FNDC3B: variants seen among roughly 807,000 people sequenced by gnomAD.
FNDC3B encodes fibronectin type III domain-containing protein 3B.
FNDC3B carries 12 observed loss-of-function variants against 151.5 expected under a neutral mutation model. That is an observed-to-expected ratio of 0.08 (90% CI 0.05 to 0.13). The LOEUF is 0.13. FNDC3B is among the 10% of genes least tolerant of loss of function. The pLI is 1.00. For missense variants in FNDC3B, 1,214 were observed against 1,505.3 expected (o/e 0.81, Z 3.20); for synonymous variants, 528 against 549.0 (o/e 0.96, Z 0.54).
chr3:172,212,546 G>A (rs758399357), intron 3 of FNDC3B, among the ~76,000 whole-genome samples: 6 of 152,164 alleles, frequency 3.9e-5, no homozygotes, highest in South Asian at 2.1e-4. Flanking sequence ...AAATTTTGAC[G>A]TAGCACATTT....
intron 16 of FNDC3B, among the ~76,000 whole-genome samples, chr3:172,339,685 T>C (rs1198143169): frequency 1.3e-5 from 2 of 152,240 alleles, no homozygotes; most frequent in African/African-American, 4.8e-5. Context: ...TATTTAAGTA[T>C]GTTTTGAATT....
chr3:172,290,113 T>C (rs1263933662), intron 7 of FNDC3B, among the ~76,000 whole-genome samples: 4 of 152,146 alleles, frequency 2.6e-5, no homozygotes, highest in Non-Finnish European at 5.9e-5. Flanking sequence ...AAGGATTATT[T>C]AATTTTGTGT....
chr3:172,390,901 G>A (rs1735976119), intron 25 of FNDC3B, among the ~76,000 whole-genome samples: 1 of 152,110 alleles, frequency 6.6e-6, no homozygotes, highest in Non-Finnish European at 1.5e-5. Context: ...AGCCGTGGTG[G>A]GATGATTTAG....
intron 1 of FNDC3B, among the ~76,000 whole-genome samples, chr3:172,087,481 G>A (rs141099658): frequency 4.2e-4 from 64 of 152,228 alleles, no homozygotes; most frequent in African/African-American, 1.5e-3. Context: ...AACTTGGTTA[G>A]ATTTCCTTTG....
At chr3:172,153,399 G>A (rs1431818635) in intron 3 of FNDC3B, among the ~76,000 whole-genome samples, 3 of 152,150 alleles carry the variant, frequency 2.0e-5, no homozygotes, top group Admixed American at 1.3e-4. Flanking sequence ...CACAGAGGCG[G>A]CCTCTGTCCT....
intron 11 of FNDC3B, among the ~76,000 whole-genome samples, chr3:172,323,842 A>T (rs534114751): frequency 6.6e-6 from 1 of 152,166 alleles, no homozygotes; most frequent in African/African-American, 2.4e-5. Flanking sequence ...GAAACCAAAA[A>T]TGCATGACCC....
intron 1 of FNDC3B, among the ~76,000 whole-genome samples, chr3:172,096,317 G>A (rs1166360698): frequency 6.6e-6 from 1 of 152,068 alleles, no homozygotes; most frequent in Non-Finnish European, 1.5e-5. Flanking sequence ...GTAGAAACAA[G>A]GAATTGCATT....
chr3:172,309,303 C>CTT (rs1245038680), intron 10 of FNDC3B, among the ~76,000 whole-genome samples: 1 of 152,204 alleles, frequency 6.6e-6, no homozygotes, highest in Non-Finnish European at 1.5e-5. Flanking sequence ...GATCTGACAT[C>CTT]TTTTTGTTCG....
chr3:172,243,183 T>C (rs542427478), intron 4 of FNDC3B, among the ~76,000 whole-genome samples: 5 of 152,336 alleles, frequency 3.3e-5, no homozygotes, highest in African/African-American at 1.2e-4. Context: ...GTTCCAGACT[T>C]TCCCACATTT....
intron 1 of FNDC3B, among the ~76,000 whole-genome samples, chr3:172,096,085 T>C (rs1559963657): frequency 1.3e-5 from 2 of 152,250 alleles, no homozygotes; most frequent in African/African-American, 4.8e-5. Flanking sequence ...CTGTGAATTT[T>C]ACTGGTAACA....
At position 172,130,892 on chromosome 3, in the gene FNDC3B, C is replaced by G. The variant is rs935319440; in HGVS notation, c.112-2579C>G. On this transcript the variant is annotated intron_variant, in intron 2 of 25. Coordinates refer to ENST00000415807, the MANE Select transcript of FNDC3B (RefSeq NM_022763.4). ...TAATTAATTCCATGGGCATATATTA[C>G]AGTTCTATCCCTAGAGCTTTAAACA... 3.9e-5 allele frequency among the ~76,000 whole-genome samples: 6 copies of G among 152,144 alleles called. No homozygotes were observed. The East Asian group carries it at 1.2e-3, about 29-fold the overall frequency.
chr3:172,202,062 A>G (rs931922725), intron 3 of FNDC3B, among the ~76,000 whole-genome samples: 1 of 152,236 alleles, frequency 6.6e-6, no homozygotes. Flanking sequence ...CCTTGAGTGC[A>G]TGAAATTTTG....
intron 1 of FNDC3B, among the ~76,000 whole-genome samples, chr3:172,045,784 C>CTATA (rs1180906526): frequency 4.8e-5 from 7 of 146,250 alleles, no homozygotes; most frequent in African/African-American, 1.4e-4. Flanking sequence ...CTCTCTCTCT[C>CTATA]TCTCTCTCTC....
Position 172,362,812 on chromosome 3 carries a change from T to C in FNDC3B, c.2975T>C (p.Val992Ala), listed in dbSNP as rs1442015959. ...AAGACACATGCTGCTGAGGACATTG[T>C]GTACACACTACAGCTGGAGGACAGA... ...NSKTHAAEDIVYTLQLEDRNK... is the reference protein window; with the variant it reads ...NSKTHAAEDIAYTLQLEDRNK... Residue 992 changes from valine (V) to alanine (A), a missense_variant, in exon 23 of 26, where the codon GTG (valine) becomes GCG (alanine). Around this residue, in one of 7 missense-constraint regions of FNDC3B, gnomAD observed 284 missense variants for 392.4 expected, o/e 0.72. Coordinates refer to ENST00000415807, the MANE Select transcript of FNDC3B (RefSeq NM_022763.4). 5 of 1,613,828 alleles carry C rather than the reference T, an allele frequency of 3.1e-6. No individual in the cohort carries two copies. The highest frequency in any genetic ancestry group is 3.4e-6 in the Non-Finnish European group (4 of 1,179,974).
At chr3:172,287,935 C>T (rs1265906744) in intron 7 of FNDC3B, among the ~76,000 whole-genome samples, 3 of 152,162 alleles carry the variant, frequency 2.0e-5, no homozygotes, top group Middle Eastern at 3.2e-3. Context: ...CATTTGGAAA[C>T]AAGCATTGCT....
intron 3 of FNDC3B, among the ~76,000 whole-genome samples, chr3:172,161,814 A>G (rs1211033243): frequency 6.6e-6 from 1 of 152,122 alleles, no homozygotes; most frequent in Non-Finnish European, 1.5e-5. Flanking sequence ...TTCATCACCT[A>G]CAAAACTCCA....
At chr3:172,168,793 A>G (rs901469113) in intron 3 of FNDC3B, among the ~76,000 whole-genome samples, 2 of 147,638 alleles carry the variant, frequency 1.4e-5, no homozygotes, top group Non-Finnish European at 3.0e-5. Flanking sequence ...GCTCACTGCA[A>G]CCTCCGCTTC....
At chr3:172,168,687 A>C (rs906126786) in intron 3 of FNDC3B, among the ~76,000 whole-genome samples, 1 of 151,384 alleles carries the variant, frequency 6.6e-6, no homozygotes, top group Non-Finnish European at 1.5e-5. Context: ...GTGTGATGGA[A>C]ATACTGTGCT....
intron 6 of FNDC3B, among the ~76,000 whole-genome samples, chr3:172,283,675 A>G (rs965860870): frequency 6.6e-6 from 1 of 152,188 alleles, no homozygotes; most frequent in Non-Finnish European, 1.5e-5. Flanking sequence ...AATTGAGAAC[A>G]TTTTGTCTTT....
Sources: allele counts gnomAD v4.1 joint callset (sites outside exome capture counted in the v4.1 genomes callset), GRCh38; gene constraint gnomAD v4.1.1; regional missense constraint gnomAD v4.1.1; transcripts MANE v1.5; gene names NCBI Gene and HGNC (gene_info 2026-07-23, HGNC 2026-07-21).